The following LRRTM4 variants were observed in gnomAD, a reference collection of about 807,000 sequenced individuals.
The protein encoded by LRRTM4 is leucine rich repeat transmembrane neuronal 4, also known as leucine-rich repeat transmembrane neuronal protein 4.
A neutral mutation model predicts 47.6 loss-of-function variants in LRRTM4; 25 were observed. The observed-to-expected ratio is 0.53, with a 90% CI of 0.38 to 0.73. The LOEUF (loss-of-function observed/expected upper bound fraction) is 0.73, where lower values mean the gene tolerates loss of function less well. Among genes scored for constraint, LRRTM4 ranks in the 30% least tolerant of loss-of-function variants. The pLI, the probability that LRRTM4 is intolerant of heterozygous loss-of-function variation, is 0.00. For synonymous variants in LRRTM4, 311 were observed against 269.5 expected (o/e 1.15, Z -1.51); for missense variants, 638 against 713.4 (o/e 0.89, Z 1.20).
Position 76,748,369 on chromosome 2 carries a change from A to C in LRRTM4, c.*326T>G, listed in dbSNP as rs1468387415. The C allele has an allele frequency of 6.8e-6, 2 of 292,922 alleles. No individual in the cohort carries two copies. The highest frequency in any genetic ancestry group is 1.3e-5 in the Non-Finnish European group (2 of 154,806). The allele number at this position is 292,922 out of a possible 1,614,324, so 18.1% of individuals were successfully genotyped here. A position where few individuals can be genotyped will look rare whatever the true frequency, so the allele number is the denominator to read the frequency against. ...GGAACCATGCAGTGTAGAAAAATCA[A>C]ATATACAAACAAACCTATATGTAGC... On this transcript the variant is annotated 3_prime_UTR_variant, in exon 4 of 4. Coordinates refer to ENST00000409884, the MANE Select transcript of LRRTM4 (RefSeq NM_001134745.3).
chr2:76,768,940 C>A (rs185741293), intron 3 of LRRTM4, among the ~76,000 whole-genome samples: 17 of 152,166 alleles, frequency 1.1e-4, no homozygotes, highest in African/African-American at 3.4e-4. Flanking sequence ...AAAACTGACA[C>A]AAAGAAATGT....
At chr2:77,036,447 G>C (rs140354738) in intron 3 of LRRTM4, among the ~76,000 whole-genome samples, 1 of 151,552 alleles carries the variant, frequency 6.6e-6, no homozygotes, top group African/African-American at 2.4e-5. Context: ...CTACTTTAAG[G>C]ATCTTGCTCA....
chr2:76,780,265 C>T (rs926066687), intron 3 of LRRTM4, among the ~76,000 whole-genome samples: 3 of 152,116 alleles, frequency 2.0e-5, no homozygotes, highest in Admixed American at 2.0e-4. Context: ...CGAGGAGTAT[C>T]TTTGTGTTGT....
At chr2:77,355,345 A>G (rs1048253324) in intron 3 of LRRTM4, among the ~76,000 whole-genome samples, 2 of 152,136 alleles carry the variant, frequency 1.3e-5, no homozygotes, top group African/African-American at 2.4e-5. Context: ...ATAGAGAGTA[A>G]ATTTCCAGTA....
intron 3 of LRRTM4, among the ~76,000 whole-genome samples, chr2:77,332,256 A>G (rs760664794): frequency 2.6e-5 from 4 of 152,218 alleles, no homozygotes; most frequent in Non-Finnish European, 5.9e-5. Flanking sequence ...GAATTTTTAC[A>G]TAAATAAACC....
intron 3 of LRRTM4, among the ~76,000 whole-genome samples, chr2:77,394,186 G>T (rs1673611434): frequency 6.6e-6 from 1 of 151,804 alleles, no homozygotes; most frequent in Admixed American, 6.6e-5. Context: ...CTGAAAAAAA[G>T]TGAAAAATGT....
At position 77,118,192 on chromosome 2, in the gene LRRTM4, A is replaced by C. The variant is rs371618192; in HGVS notation, c.1552-369276T>G. 3.9e-4 allele frequency among the ~76,000 whole-genome samples: 59 copies of C among 151,936 alleles called. 3 individuals are homozygous for C. The East Asian group carries it at 4.1e-3, about 10-fold the overall frequency. On this transcript the variant is annotated intron_variant, in intron 3 of 3. Transcript: ENST00000409884. ...TAGATTTTTTTGTAGAGACGTCACC[A>C]CTGAGAGTAAGGCTCATTTCATGCC...
chr2:76,896,677 G>C (rs977057657), intron 3 of LRRTM4, among the ~76,000 whole-genome samples: 1 of 151,398 alleles, frequency 6.6e-6, no homozygotes. Flanking sequence ...TAGTTAAAAA[G>C]TGTTATCTAA....
chr2:76,858,724 A>C (rs1462100145), intron 3 of LRRTM4, among the ~76,000 whole-genome samples: 2 of 152,200 alleles, frequency 1.3e-5, no homozygotes, highest in African/African-American at 4.8e-5. Flanking sequence ...GAATTATAGG[A>C]AGATTGTACT....
At chr2:77,170,782 T>A (rs574252805) in intron 3 of LRRTM4, among the ~76,000 whole-genome samples, 4,247 of 89,858 alleles carry the variant, frequency 0.047, 213 homozygotes, top group African/African-American at 0.15. Context: ...GGAATTTCTT[T>A]CTTAGTTTTT....
intron 3 of LRRTM4, among the ~76,000 whole-genome samples, chr2:77,210,978 A>G (rs1320235442): frequency 1.3e-5 from 2 of 152,092 alleles, no homozygotes; most frequent in African/African-American, 4.8e-5. Context: ...AATGGATGTG[A>G]AAGTGTAGTC....
At chr2:76,964,716 G>A (rs1278560912) in intron 3 of LRRTM4, among the ~76,000 whole-genome samples, 1 of 149,882 alleles carries the variant, frequency 6.7e-6, no homozygotes, top group African/African-American at 2.4e-5. Context: ...AAATCAAGCA[G>A]AAGAACAGAA....
chr2:76,802,336 A>T (rs1675743022), intron 3 of LRRTM4, among the ~76,000 whole-genome samples: 1 of 152,064 alleles, frequency 6.6e-6, no homozygotes, highest in Admixed American at 6.6e-5. Flanking sequence ...CTAACAACAA[A>T]CTACACAAAT....
chr2:76,803,636 A>C lies in LRRTM4; in HGVS notation c.1552-54720T>G, dbSNP rs1220782657. ...AATAAAATCAGTGAAAAGCTTTTTA[A>C]AGAGTAATTTTTTAAAGAGTATTTG... On this transcript the variant is annotated intron_variant, in intron 3 of 3. Transcript: ENST00000409884. Among the ~76,000 whole-genome samples, 3 of 152,274 alleles carry C rather than the reference A, an allele frequency of 2.0e-5. No individual in the cohort carries two copies. The East Asian group carries it at 5.8e-4, about 29-fold the overall frequency.
chr2:76,874,172 T>A (rs1016772059), intron 3 of LRRTM4, among the ~76,000 whole-genome samples: 1 of 151,854 alleles, frequency 6.6e-6, no homozygotes, highest in African/African-American at 2.4e-5. Flanking sequence ...ATTCCTCCAA[T>A]CACTCTGTGT....
intron 3 of LRRTM4, among the ~76,000 whole-genome samples, chr2:77,139,982 A>C (rs1018605399): frequency 6.6e-6 from 1 of 152,178 alleles, no homozygotes; most frequent in African/African-American, 2.4e-5. Context: ...AGAGGACCCC[A>C]AAAAATCGAA....
intron 3 of LRRTM4, among the ~76,000 whole-genome samples, chr2:77,245,299 C>A (rs185583849): frequency 2.3e-3 from 349 of 152,086 alleles, no homozygotes; most frequent in African/African-American, 8.2e-3. Context: ...GTAATCCTAG[C>A]ACTTTGGGAA....
At chr2:77,109,585 G>T (rs534121264) in intron 3 of LRRTM4, among the ~76,000 whole-genome samples, 3 of 152,186 alleles carry the variant, frequency 2.0e-5, no homozygotes, top group Non-Finnish European at 4.4e-5. Flanking sequence ...AAATTTTTGT[G>T]TGGGAGACAC....
intron 3 of LRRTM4, among the ~76,000 whole-genome samples, chr2:77,263,468 G>A (rs546817554): frequency 6.6e-6 from 1 of 152,154 alleles, no homozygotes; most frequent in East Asian, 1.9e-4. Flanking sequence ...TGCAGTGGGG[G>A]TATCTTGTGA....
Sources: gnomAD v4.1 joint callset for allele counts (sites outside exome capture counted in the v4.1 genomes callset) on GRCh38, gnomAD v4.1.1 for gene constraint, MANE v1.5 for transcripts, NCBI Gene and HGNC (gene_info 2026-07-23, HGNC 2026-07-21) for gene names.